The following PDZD2 variants were observed in gnomAD, a reference collection of about 807,000 sequenced individuals.
PDZD2 encodes the protein PDZ domain containing 2.
In PDZD2, 90 loss-of-function variants were observed where a neutral mutation model predicts 220.7. That is an observed-to-expected ratio of 0.41 (90% confidence interval 0.34 to 0.49). The LOEUF (loss-of-function observed/expected upper bound fraction) is 0.49, where lower values mean the gene tolerates loss of function less well. Among genes scored for constraint, PDZD2 ranks in the 20% least tolerant of loss-of-function variants. The pLI is 0.28. For missense variants in PDZD2, 3,174 were observed against 3,608.5 expected, an observed-to-expected ratio of 0.88 and a Z score of 3.08; for synonymous variants, 1,375 against 1,450.5, an observed-to-expected ratio of 0.95 and a Z score of 1.18.
intron 2 of PDZD2, among the ~76,000 whole-genome samples, chr5:31,910,969 A>G (rs1402530817): frequency 6.6e-6 from 1 of 152,200 alleles, no homozygotes; most frequent in Non-Finnish European, 1.5e-5. Context: ...AGTTCTGTTT[A>G]AGCATCTAAA....
chr5:31,721,265 T>A (rs542062915), intron 1 of PDZD2, among the ~76,000 whole-genome samples: 7 of 151,986 alleles, frequency 4.6e-5, no homozygotes, highest in Admixed American at 3.3e-4. Context: ...TATGCCAGAT[T>A]AGGAAAATGG....
At chr5:32,039,780 C>T (rs1215431538) in intron 7 of PDZD2, among the ~76,000 whole-genome samples, 2 of 151,358 alleles carry the variant, frequency 1.3e-5, no homozygotes, top group Middle Eastern at 3.2e-3. Context: ...AGGAGCGTCT[C>T]TGCCGGACTG....
At chr5:31,999,222 T>A (rs1205748765) in intron 4 of PDZD2, among the ~76,000 whole-genome samples, 1 of 151,636 alleles carries the variant, frequency 6.6e-6, no homozygotes, top group Non-Finnish European at 1.5e-5. Flanking sequence ...TTAGGCAGTT[T>A]ATTTGTTCTT....
At chr5:31,867,252 T>C (rs1169216947) in intron 2 of PDZD2, among the ~76,000 whole-genome samples, 1 of 152,220 alleles carries the variant, frequency 6.6e-6, no homozygotes, top group Non-Finnish European at 1.5e-5. Flanking sequence ...AGACAGCAGA[T>C]TCCAACCTAG....
chr5:32,035,501 AT>A (rs144551301), intron 6 of PDZD2, among the ~76,000 whole-genome samples: 2 of 150,896 alleles, frequency 1.3e-5, no homozygotes, highest in Admixed American at 6.6e-5. Context: ...CCTCAGGTGA[AT>A]TTTTTTTTAA....
chr5:32,017,255 G>A, intron 6 of PDZD2, among the ~76,000 whole-genome samples: 1 of 152,044 alleles, frequency 6.6e-6, no homozygotes, highest in East Asian at 1.9e-4. Flanking sequence ...TGGCCAATAC[G>A]GCAAAACTCC....
rs775738040 is a variant in PDZD2, at chr5:31,704,104, C to T, written c.-361+64667C>T. On this transcript the variant is annotated intron_variant, in intron 1 of 24. Transcript: ENST00000438447. Reference sequence around the variant, plus strand: ...CATAGATCATTGCAACCTCAACCTTCCAGGCTCAAGCAGTCCTCCCTCCTT... The same window carrying T: ...CATAGATCATTGCAACCTCAACCTTTCAGGCTCAAGCAGTCCTCCCTCCTT... Among the ~76,000 whole-genome samples the T allele has an allele frequency of 6.6e-4, 100 of 152,222 alleles. 2 individuals carry two copies. The highest frequency in any genetic ancestry group is 1.0e-3 in the Non-Finnish European group (71 of 68,002).
chr5:31,803,963 C>T (rs928022327), intron 2 of PDZD2, among the ~76,000 whole-genome samples: 14 of 151,104 alleles, frequency 9.3e-5, no homozygotes, highest in African/African-American at 3.4e-4. Flanking sequence ...TGCTTAAGCC[C>T]AGGAGGTCGA....
intron 1 of PDZD2, among the ~76,000 whole-genome samples, chr5:31,793,578 G>A (rs1433872774): frequency 3.9e-5 from 6 of 152,114 alleles, no homozygotes; most frequent in South Asian, 2.1e-4. Context: ...AGGCTGAGGC[G>A]GGCGAATCAC....
intron 1 of PDZD2, among the ~76,000 whole-genome samples, chr5:31,680,750 C>T (rs1041871207): frequency 2.6e-5 from 4 of 152,104 alleles, no homozygotes; most frequent in African/African-American, 9.7e-5. Context: ...GGAAATGATG[C>T]CGGCTTGTCC....
intron 2 of PDZD2, among the ~76,000 whole-genome samples, chr5:31,831,275 A>G (rs6864410): frequency 0.8 from 120,196 of 150,762 alleles, 48,868 homozygotes; most frequent in African/African-American, 0.87. Flanking sequence ...GAAGTCAAGA[A>G]ATCGAGACCA....
At chr5:31,880,750 A>G (rs1739787756) in intron 2 of PDZD2, among the ~76,000 whole-genome samples, 1 of 145,604 alleles carries the variant, frequency 6.9e-6, no homozygotes, top group African/African-American at 2.5e-5. Flanking sequence ...AGCTCTTATA[A>G]CCTCAGACAC....
At position 31,729,870 on chromosome 5, in the gene PDZD2, C is replaced by T. The variant is rs190792883; in HGVS notation, c.-360-69019C>T. ...TGAGACTGAATCTTGCTCTGTCACC[C>T]AGGCTGGAGGGCAGTGGTGCGATCT... On this transcript the variant is annotated intron_variant, in intron 1 of 24. Coordinates refer to ENST00000438447, the MANE Select transcript of PDZD2 (RefSeq NM_178140.4). Among the ~76,000 whole-genome samples, 70 of 152,234 alleles carry T rather than the reference C, an allele frequency of 4.6e-4. No individual in the cohort carries two copies. In the East Asian group the frequency reaches 0.011, roughly 24 times the overall value.
chr5:31,829,614 G>C (rs1367416231), intron 2 of PDZD2, among the ~76,000 whole-genome samples: 1 of 152,030 alleles, frequency 6.6e-6, no homozygotes, highest in East Asian at 1.9e-4. Context: ...ACCACACCCA[G>C]CCCAGCTTAG....
chr5:31,848,478 G>A (rs538669515), intron 2 of PDZD2, among the ~76,000 whole-genome samples: 16 of 152,380 alleles, frequency 1.1e-4, no homozygotes, highest in East Asian at 7.7e-4. Flanking sequence ...GCCTGGCGCC[G>A]TGGCTCACGC....
At chr5:31,776,626 T>TTTTATTTATTTA (rs150070722) in intron 1 of PDZD2, among the ~76,000 whole-genome samples, 2,352 of 141,088 alleles carry the variant, frequency 0.017, 32 homozygotes, top group African/African-American at 0.033. Context: ...TTATTTTTTA[T>TTTTATTTATTTA]TTTATTTATT....
chr5:31,744,128 TA>T (rs1429707079), intron 1 of PDZD2: 2 of 152,226 alleles, frequency 1.3e-5, no homozygotes, highest in Admixed American at 1.3e-4. Flanking sequence ...AAAGAGTTTA[TA>T]GGTGGAATCT....
At position 32,083,466 on chromosome 5, in the gene PDZD2, G is replaced by A. The variant is rs931724151; in HGVS notation, c.3683-3665G>A. ...GAGGCTGCTGGGCCTTCCACCCCAC[G>A]GATGTGCTGTAACGAGTCAACCTTC... On this transcript the variant is annotated intron_variant, in intron 19 of 24. Transcript: ENST00000438447. The surrounding 1 kb of genome is among the most constrained non-coding windows in gnomAD (Gnocchi z 4.1). 8 of 152,146 alleles carry A rather than the reference G, an allele frequency of 5.3e-5. No individual in the cohort carries two copies. Among genetic ancestry groups the A allele is most frequent in the African/African-American group, 1.9e-4 (8 of 41,424 alleles). 9.4% of individuals were successfully genotyped at this position (152,146 alleles called of 1,614,324 possible). A position where few individuals can be genotyped will look rare whatever the true frequency, so the allele number is the denominator to read the frequency against.
chr5:31,964,583 C>T (rs1334932019), intron 2 of PDZD2, among the ~76,000 whole-genome samples: 2 of 152,196 alleles, frequency 1.3e-5, no homozygotes, highest in South Asian at 2.1e-4. Context: ...TATGCCTCCA[C>T]CATCTTCTTT....
Sources: gnomAD v4.1 joint callset for allele counts (sites outside exome capture counted in the v4.1 genomes callset) on GRCh38, gnomAD v4.1.1 for gene constraint, Gnocchi (gnomAD v3.1) non-coding constraint, MANE v1.5 for transcripts, NCBI Gene and HGNC (gene_info 2026-07-23, HGNC 2026-07-21) for gene names.